HHAT: variants seen among roughly 807,000 people sequenced by gnomAD.
HHAT encodes protein-cysteine N-palmitoyltransferase HHAT.
A neutral mutation model predicts 70.8 loss-of-function variants in HHAT; 47 were observed. The ratio of observed to expected loss-of-function variants is 0.66; its 90% CI spans 0.53 to 0.85. The LOEUF (loss-of-function observed/expected upper bound fraction) is 0.85, where lower values mean the gene tolerates loss of function less well. HHAT is among the 40% of genes least tolerant of loss of function. HHAT has a pLI of 0.00. For missense variants in HHAT, 609 were observed against 604.8 expected, an observed-to-expected ratio of 1.01 and a Z score of -0.07; for synonymous variants, 228 against 247.6, an observed-to-expected ratio of 0.92 and a Z score of 0.74.
Position 210,623,616 on chromosome 1 carries a change from T to C in HHAT, c.1336T>C (p.Phe446Leu), listed in dbSNP as rs761804644. The change falls in exon 11 of 12, where the codon TTT becomes CTT. Residue 446 changes from phenylalanine (F) to leucine (L), a missense_variant. Coordinates refer to ENST00000261458, the MANE Select transcript of HHAT (RefSeq NM_018194.6). Reference sequence around the variant, plus strand: ...GATGCTGATCCTGTCCAACCTGGTATTTCTTGGGGGCAATGAGGTTGGGAA... The same window carrying C: ...GATGCTGATCCTGTCCAACCTGGTACTTCTTGGGGGCAATGAGGTTGGGAA... ...TSMLILSNLV[F>L]LGGNEVGKTY... 3.8e-5 allele frequency: 62 copies of C among 1,613,984 alleles called. No homozygotes were observed. Among genetic ancestry groups the C allele is most frequent in the Non-Finnish European group, 5.0e-5 (59 of 1,179,986 alleles).
At chr1:210,432,546 C>G (rs12117900) in intron 7 of HHAT, among the ~76,000 whole-genome samples, 19,574 of 151,834 alleles carry the variant, frequency 0.13, 1,505 homozygotes, top group East Asian at 0.23. Context: ...CAGAATAAAT[C>G]AAAGGTGAAA....
chr1:210,597,345 T>C (rs1416316409), intron 10 of HHAT, among the ~76,000 whole-genome samples: 2 of 152,138 alleles, frequency 1.3e-5, no homozygotes, highest in Non-Finnish European at 2.9e-5. Flanking sequence ...CCACCTATGT[T>C]TGCTCAAGGC....
chr1:210,416,109 A>G (rs1572276566), intron 6 of HHAT, among the ~76,000 whole-genome samples: 1 of 152,326 alleles, frequency 6.6e-6, no homozygotes, highest in Non-Finnish European at 1.5e-5. Flanking sequence ...GCGGGAGGAC[A>G]GTTAGAGAGA....
At chr1:210,603,670 C>T (rs866748824) in intron 10 of HHAT, among the ~76,000 whole-genome samples, 1 of 152,128 alleles carries the variant, frequency 6.6e-6, no homozygotes, top group Non-Finnish European at 1.5e-5. Flanking sequence ...TATGCTGTGA[C>T]TATATGTGTG....
In HHAT at chr1:210,383,504, G is replaced by GAGT. The variant is rs1179210510; in HGVS notation, c.160-3962_160-3960dup. ...CCAGGGTGGGAGGGATGAAGAGGTA[G>GAGT]AGTACAGAGGATTTTTAGGGCAGTG... On this transcript the variant is annotated intron_variant, in intron 3 of 11. Transcript: ENST00000261458. Among the ~76,000 whole-genome samples, 4 of 152,328 alleles carry GAGT rather than the reference G, an allele frequency of 2.6e-5. No individual in the cohort carries two copies. In the East Asian group the frequency reaches 5.8e-4, roughly 22 times the overall value.
chr1:210,657,794 C>G (rs1676758552), intron 11 of HHAT, among the ~76,000 whole-genome samples: 2 of 152,028 alleles, frequency 1.3e-5, no homozygotes, highest in Admixed American at 6.5e-5. Context: ...CTTGGTAAGT[C>G]CAGGTGTTTA....
At chr1:210,482,196 C>T (rs1387020050) in intron 8 of HHAT, among the ~76,000 whole-genome samples, 2 of 152,132 alleles carry the variant, frequency 1.3e-5, no homozygotes, top group African/African-American at 4.8e-5. Flanking sequence ...TCATCATCTG[C>T]TCACCACTAA....
intron 9 of HHAT, among the ~76,000 whole-genome samples, chr1:210,534,947 C>G (rs1463888444): frequency 6.6e-6 from 1 of 152,202 alleles, no homozygotes; most frequent in East Asian, 1.9e-4. Flanking sequence ...TTGGGTTGAT[C>G]TCTCTTTGCC....
Position 210,329,092 on chromosome 1 carries a change from G to A in HHAT, c.-56G>A, listed in dbSNP as rs375798618. ...TGAACGTTGCCGTCGCCGCCGCCCG[G>A]GACAGCCCGGAGGTTGGTAACTGGT... On this transcript the variant is annotated 5_prime_UTR_variant, in exon 1 of 12. Transcript: ENST00000261458. The A allele has an allele frequency of 1.4e-6, 2 of 1,408,854 alleles. No individual in the cohort carries two copies. The highest frequency in any genetic ancestry group is 1.9e-6 in the Non-Finnish European group (2 of 1,080,116). 87.3% of individuals were successfully genotyped at this position (1,408,854 alleles called of 1,614,324 possible).
chr1:210,483,307 C>A (rs1572749245), intron 8 of HHAT, among the ~76,000 whole-genome samples: 1 of 152,232 alleles, frequency 6.6e-6, no homozygotes, highest in East Asian at 1.9e-4. Flanking sequence ...AGAGCTAGAC[C>A]ATAAAGTGCG....
chr1:210,668,336 C>A lies in HHAT; in HGVS notation c.1391-5952C>A, dbSNP rs1453212510. 2.6e-5 allele frequency among the ~76,000 whole-genome samples: 4 copies of A among 152,166 alleles called. No homozygotes were observed. The East Asian group carries it at 7.7e-4, about 29-fold the overall frequency. On this transcript the variant is annotated intron_variant, in intron 11 of 11. Transcript: ENST00000261458. Reference sequence around the variant, plus strand: ...GATATTGGTGTGGTTTGGCTGTGTCCCCACCCAAATCTCATTTTGAATTAT... The same window carrying A: ...GATATTGGTGTGGTTTGGCTGTGTCACCACCCAAATCTCATTTTGAATTAT...
intron 10 of HHAT, among the ~76,000 whole-genome samples, chr1:210,622,514 A>G (rs1669035343): frequency 6.6e-6 from 1 of 152,172 alleles, no homozygotes; most frequent in South Asian, 2.1e-4. Context: ...TGTTTGCTTT[A>G]TGAAATCCCT....
At chr1:210,414,474 A>G (rs4845015) in intron 6 of HHAT, among the ~76,000 whole-genome samples, 26,914 of 152,172 alleles carry the variant, frequency 0.18, 3,045 homozygotes, top group Admixed American at 0.34. Flanking sequence ...AACTCAGTAC[A>G]TAGCTACAAA....
chr1:210,416,138 G>A (rs1004165238), intron 6 of HHAT, among the ~76,000 whole-genome samples: 1 of 152,192 alleles, frequency 6.6e-6, no homozygotes, highest in African/African-American at 2.4e-5. Flanking sequence ...ATGTATGTTA[G>A]AAAATGGAAT....
intron 4 of HHAT, among the ~76,000 whole-genome samples, chr1:210,397,624 T>G (rs1304195545): frequency 6.6e-6 from 1 of 152,116 alleles, no homozygotes; most frequent in Non-Finnish European, 1.5e-5. Flanking sequence ...ATACTGATAG[T>G]TAAGCATTTT....
intron 7 of HHAT, among the ~76,000 whole-genome samples, chr1:210,455,340 C>T (rs368455160): frequency 6.6e-6 from 1 of 152,214 alleles, no homozygotes; most frequent in African/African-American, 2.4e-5. Context: ...CACCACAACA[C>T]ACCGCACCCT....
intron 3 of HHAT, among the ~76,000 whole-genome samples, 161 bp downstream of exon 3, chr1:210,363,080 C>T (rs1353536616): frequency 6.6e-6 from 1 of 152,138 alleles, no homozygotes; most frequent in Non-Finnish European, 1.5e-5. Flanking sequence ...TTGGGGAAGG[C>T]GTTCCCAGGG....
intron 10 of HHAT, among the ~76,000 whole-genome samples, chr1:210,615,422 CCTT>C (rs1268035518): frequency 6.6e-6 from 1 of 152,192 alleles, no homozygotes; most frequent in African/African-American, 2.4e-5. Context: ...TCGTCTGAAG[CCTT>C]CTTCTCTCAA....
intron 4 of HHAT, among the ~76,000 whole-genome samples, chr1:210,389,602 C>T (rs1386486319): frequency 6.6e-6 from 1 of 152,228 alleles, no homozygotes; most frequent in East Asian, 1.9e-4. Flanking sequence ...TGCTCATTCT[C>T]TCTTCTGCTC....
Sources: allele counts gnomAD v4.1 joint callset (sites outside exome capture counted in the v4.1 genomes callset), GRCh38; gene constraint gnomAD v4.1.1; transcripts MANE v1.5; gene names NCBI Gene and HGNC (gene_info 2026-07-23, HGNC 2026-07-21).